The following SPATA7 variants were observed in gnomAD, a reference collection of about 807,000 sequenced individuals.
SPATA7 encodes spermatogenesis associated 7, also known as spermatogenesis-associated protein 7.
Under a neutral mutation model 51.8 loss-of-function variants are expected in SPATA7, and 43 were observed. The observed-to-expected ratio is 0.83, with a 90% CI of 0.65 to 1.07. SPATA7 has a LOEUF of 1.07. Ranked by LOEUF, SPATA7 falls within the 50% of genes least tolerant of loss-of-function variation. SPATA7 has a pLI of 0.00. For missense variants in SPATA7, 683 were observed against 701.3 expected (o/e 0.97, Z 0.30); for synonymous variants, 230 against 252.8 (o/e 0.91, Z 0.86).
chr14:88,432,856 T>G, intron 9 of SPATA7: 1 of 305,290 alleles, frequency 3.3e-6, no homozygotes, highest in Non-Finnish European at 6.0e-6. Flanking sequence ...GTTGCTTTCT[T>G]TTTGTGTTGT....
intron 10 of SPATA7, among the ~76,000 whole-genome samples, chr14:88,435,949 T>C (rs185474008): frequency 6.6e-6 from 1 of 152,296 alleles, no homozygotes; most frequent in African/African-American, 2.4e-5. Context: ...CTGGAACATA[T>C]GGTAGCTCAA....
At chr14:88,420,035 G>T (rs1478194038) in intron 5 of SPATA7, among the ~76,000 whole-genome samples, 1 of 152,140 alleles carries the variant, frequency 6.6e-6, no homozygotes, top group Non-Finnish European at 1.5e-5. Flanking sequence ...TGTGGCAAAA[G>T]TGAAGGGATA....
At chr14:88,386,870 G>A (rs1008111090) in intron 1 of SPATA7, among the ~76,000 whole-genome samples, 14 of 152,254 alleles carry the variant, frequency 9.2e-5, no homozygotes, top group Admixed American at 8.5e-4. Context: ...TACTCCGAAT[G>A]TAGGAGATAA....
In SPATA7 at chr14:88,469,185, C is replaced by T. The variant is rs1191352032; in HGVS notation, c.255-662C>T. ...GATTAAGAGGACTGCAGATAAAGAG[C>T]ACTGGGTGCCAGTGAACCAAACCCA... On this transcript the variant is annotated intron_variant, in intron 4 of 4. Coordinates refer to the SPATA7 transcript ENST00000556406. This position sits in a 1 kb window ranked among gnomAD's most constrained non-coding sequence, Gnocchi z 4.3. 38 of 1,263,524 alleles carry T rather than the reference C, an allele frequency of 3.0e-5. No individual in the cohort carries two copies. The highest frequency in any genetic ancestry group is 4.0e-5 in the Non-Finnish European group (37 of 923,676). The allele number at this position is 1,263,524 out of a possible 1,614,324, so 78.3% of individuals were successfully genotyped here.
chr14:88,397,592 A>G (rs889346394), intron 4 of SPATA7, among the ~76,000 whole-genome samples: 1 of 151,498 alleles, frequency 6.6e-6, no homozygotes, highest in South Asian at 2.1e-4. Context: ...GCAGTAAGCC[A>G]TGATCATGCC....
At chr14:88,468,609 T>C (rs2140075941) in intron 4 of SPATA7, among the ~76,000 whole-genome samples, 1 of 152,332 alleles carries the variant, frequency 6.6e-6, no homozygotes, top group South Asian at 2.1e-4. Flanking sequence ...TCAAGGGCTC[T>C]GGGCAGCATG....
Position 88,396,209 on chromosome 14 carries a change from T to C in SPATA7, c.238+6T>C, listed in dbSNP as rs777396619. 12 of 1,605,170 alleles carry C rather than the reference T, an allele frequency of 7.5e-6. No individual in the cohort carries two copies. The South Asian group carries it at 1.3e-4, about 18-fold the overall frequency. On this transcript the variant is annotated splice_donor_region_variant and intron_variant, in intron 4 of 11. Transcript: ENST00000393545. Reference sequence around the variant, plus strand: ...CGTGAGTACCAGCATAAAGTGTAAGTAATTTTTGGACATTATTACCTTTTT... The same window carrying C: ...CGTGAGTACCAGCATAAAGTGTAAGCAATTTTTGGACATTATTACCTTTTT...
At chr14:88,434,998 G>A (rs925456503) in intron 10 of SPATA7, among the ~76,000 whole-genome samples, 1 of 152,178 alleles carries the variant, frequency 6.6e-6, no homozygotes, top group East Asian at 1.9e-4. Flanking sequence ...TGATAGAGAG[G>A]TGAGCATGGT....
At position 88,469,174 on chromosome 14, in the gene SPATA7, C is replaced by A; in HGVS notation, c.255-673C>A. On this transcript the variant is annotated intron_variant, in intron 4 of 4. Coordinates refer to the SPATA7 transcript ENST00000556406. The surrounding 1 kb of genome is among the most constrained non-coding windows in gnomAD (Gnocchi z 4.3). Reference sequence around the variant, plus strand: ...TTCTCTCCACTGATTAAGAGGACTGCAGATAAAGAGCACTGGGTGCCAGTG... The same window carrying A: ...TTCTCTCCACTGATTAAGAGGACTGAAGATAAAGAGCACTGGGTGCCAGTG... The A allele has an allele frequency of 2.2e-6, 3 of 1,336,500 alleles. No individual in the cohort carries two copies. Among genetic ancestry groups the A allele is most frequent in the Non-Finnish European group, 2.0e-6 (2 of 982,084 alleles). The allele number at this position is 1,336,500 out of a possible 1,614,324, so 82.8% of individuals were successfully genotyped here. A position where few individuals can be genotyped will look rare whatever the true frequency, so the allele number is the denominator to read the frequency against.
chr14:88,463,408 A>ACT (rs142432932), intron 4 of SPATA7, among the ~76,000 whole-genome samples: 5,766 of 152,274 alleles, frequency 0.038, 353 homozygotes, highest in African/African-American at 0.13. Context: ...CCCATAAAAC[A>ACT]GACACTTAAC....
chr14:88,409,327 G>GT lies in SPATA7; in HGVS notation c.239-7383dup, dbSNP rs754792448. On this transcript the variant is annotated intron_variant, in intron 4 of 11. Coordinates refer to ENST00000393545, the MANE Select transcript of SPATA7 (RefSeq NM_018418.5). The stretch of plus-strand genomic sequence containing the variant: ...ACTTCTTGTTTAGTCTCAGGAGGAT[G>GT]TATGTGTCCAGGAATTTATCCATTT... Among the ~76,000 whole-genome samples the GT allele has an allele frequency of 4.4e-4, 67 of 152,264 alleles. No homozygotes were observed. In the Middle Eastern group the frequency reaches 0.014, roughly 31 times the overall value.
At chr14:88,391,914 G>C (rs1460358335) in intron 2 of SPATA7, among the ~76,000 whole-genome samples, 2 of 152,194 alleles carry the variant, frequency 1.3e-5, no homozygotes, top group Non-Finnish European at 2.9e-5. Context: ...ATATTTTAAA[G>C]CTTTCAAGGT....
At chr14:88,407,528 T>A (rs2076230613) in intron 4 of SPATA7, among the ~76,000 whole-genome samples, 2 of 152,206 alleles carry the variant, frequency 1.3e-5, no homozygotes, top group South Asian at 4.1e-4. Flanking sequence ...GATGGATAGA[T>A]TGCAAAATTT....
downstream of SPATA7, among the ~76,000 whole-genome samples, chr14:88,443,394 T>G (rs1445448446): frequency 6.6e-6 from 1 of 152,226 alleles, no homozygotes; most frequent in Non-Finnish European, 1.5e-5. Flanking sequence ...TTTATGCATG[T>G]AAAGCTGTTC....
At chr14:88,392,879 G>GTTTTTTTTTTTGTTTTTTTTT (rs1313270790) in intron 2 of SPATA7, among the ~76,000 whole-genome samples, 1 of 151,990 alleles carries the variant, frequency 6.6e-6, no homozygotes, top group African/African-American at 2.4e-5. Context: ...GATTACACTT[G>GTTTTTTTTTTTGTTTTTTTTT]TTATAAGATA....
intron 4 of SPATA7, chr14:88,415,375 T>C: frequency 5.6e-6 from 1 of 178,532 alleles, no homozygotes. Context: ...CAACCCCTGC[T>C]CTTCTATTTA....
downstream of SPATA7, among the ~76,000 whole-genome samples, chr14:88,459,540 C>A (rs889136932): frequency 2.6e-5 from 4 of 152,092 alleles, no homozygotes; most frequent in Non-Finnish European, 5.9e-5. Context: ...AGGATTGCAA[C>A]CCCTGCCTTT....
chr14:88,431,254 C>A, intron 9 of SPATA7, 29 bp downstream of exon 9: 1 of 1,585,580 alleles, frequency 6.3e-7, no homozygotes, highest in Non-Finnish European at 8.7e-7. Flanking sequence ...CTTCGTTTTG[C>A]ATAGTGGAAT....
rs371815894 is a variant in SPATA7 at position 88,393,539 on chromosome 14, T to G, written c.190+51T>G. 1.3e-5 allele frequency: 16 copies of G among 1,257,482 alleles called. No homozygotes were observed. The Middle Eastern group carries it at 1.5e-3, about 118-fold the overall frequency. 77.9% of individuals were successfully genotyped at this position (1,257,482 alleles called of 1,614,324 possible). ...CTGTACTCAATTTAAACCTCCAGCT[T>G]CACTTCTCATTAAAATATATCTATA... On this transcript the variant is annotated intron_variant, in intron 3 of 11. Coordinates refer to ENST00000393545, the MANE Select transcript of SPATA7 (RefSeq NM_018418.5).
Sources: allele counts gnomAD v4.1 joint callset (sites outside exome capture counted in the v4.1 genomes callset), GRCh38; gene constraint gnomAD v4.1.1; non-coding constraint Gnocchi (gnomAD v3.1); transcripts MANE v1.5; gene names NCBI Gene and HGNC (gene_info 2026-07-23, HGNC 2026-07-21).